Variants in TMEM266 observed in about 807,000 individuals in gnomAD.
The protein encoded by TMEM266 is transmembrane protein 266.
Under a neutral mutation model 50.5 loss-of-function variants are expected in TMEM266, and 33 were observed. The ratio of observed to expected loss-of-function variants is 0.65; its 90% confidence interval spans 0.50 to 0.87. The LOEUF (loss-of-function observed/expected upper bound fraction) is 0.87, where lower values mean the gene tolerates loss of function less well. TMEM266 is among the 40% of genes least tolerant of loss of function. The probability of loss-of-function intolerance (pLI) is 0.00; values close to 1 mark genes in which losing one functional copy is unlikely to be tolerated. For synonymous variants in TMEM266, 310 were observed against 292.3 expected (o/e 1.06, Z -0.62); for missense variants, 655 against 695.1 (o/e 0.94, Z 0.65).
At chr15:76,175,159 C>A (rs1375851049) in intron 7 of TMEM266, 5 of 192,988 alleles carry the variant, frequency 2.6e-5, no homozygotes, top group Non-Finnish European at 5.3e-5. Flanking sequence ...AGGGCCGCCC[C>A]ATCCTCACTG....
intron 1 of TMEM266, among the ~76,000 whole-genome samples, chr15:76,116,819 A>C (rs2037253750): frequency 6.6e-6 from 1 of 152,224 alleles, no homozygotes; most frequent in South Asian, 2.1e-4. Flanking sequence ...CGTTAATGAA[A>C]ATAGCACATC....
intron 1 of TMEM266, among the ~76,000 whole-genome samples, chr15:76,087,459 T>A (rs1227377316): frequency 2.0e-5 from 3 of 152,070 alleles, no homozygotes; most frequent in African/African-American, 7.2e-5. Context: ...GGGGGAGATT[T>A]TTGGTGGCAG....
intron 5 of TMEM266, among the ~76,000 whole-genome samples, chr15:76,169,465 A>C (rs1305954182): frequency 5.9e-5 from 9 of 152,132 alleles, no homozygotes; most frequent in Admixed American, 1.3e-4. Context: ...AAAAGATGAC[A>C]CAGGAGAGGC....
intron 4 of TMEM266, among the ~76,000 whole-genome samples, chr15:76,158,150 A>G (rs577869046): frequency 2.6e-4 from 39 of 152,240 alleles, no homozygotes; most frequent in African/African-American, 8.9e-4. Flanking sequence ...AATGCCCCCA[A>G]TTCCTTTATG....
chr15:76,067,773 T>G (rs1027300308), intron 1 of TMEM266, among the ~76,000 whole-genome samples: 3 of 151,968 alleles, frequency 2.0e-5, no homozygotes, highest in Non-Finnish European at 4.4e-5. Flanking sequence ...TGGGGTATTT[T>G]TTTGTGGGGG....
chr15:76,131,193 A>G (rs1021826885), intron 1 of TMEM266, among the ~76,000 whole-genome samples: 14 of 152,220 alleles, frequency 9.2e-5, no homozygotes, highest in African/African-American at 2.2e-4. Flanking sequence ...CCTGGCCAAC[A>G]TGGTGAAACC....
chr15:76,066,895 T>C (rs1336210361), intron 1 of TMEM266, among the ~76,000 whole-genome samples: 2 of 152,124 alleles, frequency 1.3e-5, no homozygotes, highest in African/African-American at 4.8e-5. Context: ...TGACTCTTTG[T>C]TGCAGGGGCA....
At chr15:76,141,236 C>CTTTT (rs34149031) in intron 3 of TMEM266, among the ~76,000 whole-genome samples, 1 of 137,914 alleles carries the variant, frequency 7.3e-6, no homozygotes, top group Non-Finnish European at 1.6e-5. Context: ...TCTCAGTATA[C>CTTTT]TTTTTTTTTT....
At chr15:76,189,264 G>C (rs940504963) in intron 8 of TMEM266, among the ~76,000 whole-genome samples, 1 of 150,098 alleles carries the variant, frequency 6.7e-6, no homozygotes, top group Non-Finnish European at 1.5e-5. Flanking sequence ...AAGTAAGGAA[G>C]GGAGGAAGGG....
intron 1 of TMEM266, among the ~76,000 whole-genome samples, chr15:76,101,205 T>C (rs1205346520): frequency 1.3e-5 from 2 of 152,190 alleles, no homozygotes; most frequent in Admixed American, 1.3e-4. Context: ...CAGCTAACCA[T>C]CCTGCTGAGG....
intron 3 of TMEM266, among the ~76,000 whole-genome samples, chr15:76,155,522 G>A (rs1434199138): frequency 1.3e-5 from 2 of 152,162 alleles, no homozygotes; most frequent in African/African-American, 2.4e-5. Flanking sequence ...GAGAGTCCGT[G>A]GAACTCTAGT....
At chr15:76,188,965 A>G (rs1180049291) in intron 8 of TMEM266, among the ~76,000 whole-genome samples, 1 of 152,202 alleles carries the variant, frequency 6.6e-6, no homozygotes, top group Non-Finnish European at 1.5e-5. Context: ...GGATTGCTTG[A>G]GTCCAGAAGT....
Position 76,137,848 on chromosome 15 carries a change from G to T in TMEM266, c.180G>T (p.Ala60=). ...TGGCTGCTGTCGATCTCTCCACGGC[G>T]GGCTCGCAGCTCCTGTCAAATCTGG... The change falls in exon 3 of 11, where the codon GCG becomes GCT. Residue 60 remains alanine (A), a synonymous_variant. Transcript: ENST00000388942. 6.2e-7 allele frequency: 1 copy of T among 1,604,554 alleles called. No individual in the cohort carries two copies. Among genetic ancestry groups the T allele is most frequent in the Non-Finnish European group, 8.5e-7 (1 of 1,175,542 alleles).
At chr15:76,120,525 C>A (rs1003128342) in intron 1 of TMEM266, among the ~76,000 whole-genome samples, 1 of 151,956 alleles carries the variant, frequency 6.6e-6, no homozygotes, top group Non-Finnish European at 1.5e-5. Flanking sequence ...CTATAGGAGG[C>A]CGAGACAGGT....
At chr15:76,115,250 G>A (rs1038328912) in intron 1 of TMEM266, among the ~76,000 whole-genome samples, 1 of 152,166 alleles carries the variant, frequency 6.6e-6, no homozygotes, top group South Asian at 2.1e-4. Context: ...CCTTTCAGAC[G>A]ATTGGGAATT....
intron 3 of TMEM266, among the ~76,000 whole-genome samples, chr15:76,138,963 C>T (rs1469944633): frequency 6.6e-6 from 1 of 152,182 alleles, no homozygotes; most frequent in Non-Finnish European, 1.5e-5. Flanking sequence ...GGGGTAGGAA[C>T]AGGTCCTAGG....
At chr15:76,066,025 T>C (rs1025088518) in intron 1 of TMEM266, among the ~76,000 whole-genome samples, 1 of 152,200 alleles carries the variant, frequency 6.6e-6, no homozygotes, top group Non-Finnish European at 1.5e-5. Context: ...CAGCCTCCCT[T>C]GGGCATGGAG....
intron 1 of TMEM266, among the ~76,000 whole-genome samples, chr15:76,099,501 G>C (rs1208098540): frequency 6.6e-6 from 1 of 152,242 alleles, no homozygotes; most frequent in Non-Finnish European, 1.5e-5. Flanking sequence ...GGGAGCTGCA[G>C]ACCGGAGCTG....
At chr15:76,101,809 C>A (rs1440119082) in intron 1 of TMEM266, among the ~76,000 whole-genome samples, 6 of 152,254 alleles carry the variant, frequency 3.9e-5, no homozygotes, top group Non-Finnish European at 7.3e-5. Context: ...GCAGGCAGGT[C>A]ATTTCCCCAC....
Sources: allele counts gnomAD v4.1 joint callset (sites outside exome capture counted in the v4.1 genomes callset), GRCh38; gene constraint gnomAD v4.1.1; transcripts MANE v1.5; gene names NCBI Gene and HGNC (gene_info 2026-07-23, HGNC 2026-07-21).